The following GLCCI1 variants were observed in gnomAD, a reference collection of about 807,000 sequenced individuals.
The protein encoded by GLCCI1 is glucocorticoid-induced transcript 1 protein.
GLCCI1 carries 24 observed loss-of-function variants against 52.2 expected under a neutral mutation model. That is an observed-to-expected ratio of 0.46 (90% CI 0.33 to 0.65). The LOEUF (loss-of-function observed/expected upper bound fraction) is 0.65, where lower values mean the gene tolerates loss of function less well. Ranked by LOEUF, GLCCI1 falls within the 30% of genes least tolerant of loss-of-function variation. The pLI, the probability that GLCCI1 is intolerant of heterozygous loss-of-function variation, is 0.02. For synonymous variants in GLCCI1, 310 were observed against 276.5 expected (o/e 1.12, Z -1.20); for missense variants, 704 against 701.5 (o/e 1.00, Z -0.04).
At chr7:8,074,844 G>C (rs974505594) in intron 6 of GLCCI1, among the ~76,000 whole-genome samples, 1 of 152,062 alleles carries the variant, frequency 6.6e-6, no homozygotes, top group Non-Finnish European at 1.5e-5. Flanking sequence ...AAGTCAACTA[G>C]GATTGATTTG....
chr7:8,088,767 A>C lies in GLCCI1; in HGVS notation c.*2229A>C, dbSNP rs572545825. 8.2e-4 allele frequency: 125 copies of C among 152,548 alleles called. No homozygotes were observed. Among genetic ancestry groups the C allele is most frequent in the African/African-American group, 2.9e-3 (122 of 41,532 alleles). The allele number at this position is 152,548 out of a possible 1,614,324, so 9.4% of individuals were successfully genotyped here. On this transcript the variant is annotated 3_prime_UTR_variant, in exon 8 of 8. Coordinates refer to ENST00000223145, the MANE Select transcript of GLCCI1 (RefSeq NM_138426.4). ...ATTTTCTCATGAGATACTAAATATT[A>C]ATTGTGTTGTACATTTGTTCTTAGC... is the stretch of plus-strand genomic sequence containing the variant.
Position 7,969,467 on chromosome 7 carries a change from C to G in GLCCI1, c.117C>G (p.Ser39Arg). The change falls in exon 1 of 8, where the codon AGC (serine) becomes AGG (arginine). Residue 39 changes from serine to arginine, a missense_variant. Physicochemically the swap from Ser to Arg is moderately radical, Grantham distance 110 (BLOSUM62 -1). Transcript: ENST00000223145. This position sits in a 1 kb window ranked among gnomAD's most constrained non-coding sequence, Gnocchi z 4.9. ...CGCCCGCCGTCGCCGCCGCCGGGAG[C>G]GGGAACGGTGCGGGCGGCGGCGGCG... The part of the protein sequence containing the change: ...GSPPAVAAAG[S>R]GNGAGGGGGV... 2.7e-6 allele frequency: 3 copies of G among 1,113,222 alleles called. No individual in the cohort carries two copies. The highest frequency in any genetic ancestry group is 3.3e-6 in the Non-Finnish European group (3 of 913,832). 69.0% of individuals were successfully genotyped at this position (1,113,222 alleles called of 1,614,324 possible). A position where few individuals can be genotyped will look rare whatever the true frequency, so the allele number is the denominator to read the frequency against.
chr7:8,043,363 G>A (rs1446628130), intron 3 of GLCCI1, among the ~76,000 whole-genome samples: 1 of 150,342 alleles, frequency 6.7e-6, no homozygotes, highest in African/African-American at 2.4e-5. Context: ...AGGCAGTATA[G>A]AGTAGGTTTG....
intron 4 of GLCCI1, among the ~76,000 whole-genome samples, chr7:8,058,713 A>ATT (rs954634388): frequency 2.0e-5 from 3 of 152,196 alleles, no homozygotes; most frequent in African/African-American, 7.2e-5. Flanking sequence ...ATAAAAGTTG[A>ATT]TTACCTATTT....
chr7:7,969,360 GCCTCCT>G lies in GLCCI1; in HGVS notation c.25_30del (p.Ser12_Ser13del), dbSNP rs528042199. On this transcript the variant is annotated inframe_deletion, in exon 1 of 8. Coordinates refer to ENST00000223145, the MANE Select transcript of GLCCI1 (RefSeq NM_138426.4). The surrounding 1 kb of genome is among the most constrained non-coding windows in gnomAD (Gnocchi z 4.9). ...GGCCCGCAGAGCCACCATGTCCACT[GCCTCCT>G]CCTCCTCCTCCTCCAGTTCCTCTCA... 3.4e-5 allele frequency: 50 copies of G among 1,465,374 alleles called. No individual in the cohort carries two copies. Among genetic ancestry groups the G allele is most frequent in the Middle Eastern group, 2.1e-4 (1 of 4,772 alleles). 90.8% of individuals were successfully genotyped at this position (1,465,374 alleles called of 1,614,324 possible). A position where few individuals can be genotyped will look rare whatever the true frequency, so the allele number is the denominator to read the frequency against.
chr7:8,067,216 G>T (rs4725063), intron 5 of GLCCI1, among the ~76,000 whole-genome samples: 115,716 of 152,086 alleles, frequency 0.76, 44,611 homozygotes, highest in African/African-American at 0.89. Context: ...TTTTTTCAGT[G>T]TTCCATTTGG....
intron 2 of GLCCI1, among the ~76,000 whole-genome samples, chr7:8,009,554 G>C (rs1293850708): frequency 1.3e-5 from 2 of 152,150 alleles, no homozygotes; most frequent in Non-Finnish European, 2.9e-5. Flanking sequence ...GTTAAGTGTG[G>C]CCATGAGACT....
At chr7:8,050,917 A>G (rs747251808) in intron 3 of GLCCI1, among the ~76,000 whole-genome samples, 13 of 152,244 alleles carry the variant, frequency 8.5e-5, no homozygotes, top group Admixed American at 2.0e-4. Flanking sequence ...GTTGAAAAAT[A>G]AATGAGATAA....
chr7:8,017,959 A>G lies in GLCCI1; in HGVS notation c.610-4524A>G, dbSNP rs533045991. Among the ~76,000 whole-genome samples, 16 of 152,326 alleles carry G rather than the reference A, an allele frequency of 1.1e-4. No homozygotes were observed. In the South Asian group the frequency reaches 3.3e-3, roughly 32 times the overall value. On this transcript the variant is annotated intron_variant, in intron 2 of 7. Transcript: ENST00000223145. Reference sequence around the variant, plus strand: ...GAAGTTAAAAATTGTTTTATTAGTCAAAAACAAATTTTTGTAAACAAAAAC... The same window carrying G: ...GAAGTTAAAAATTGTTTTATTAGTCGAAAACAAATTTTTGTAAACAAAAAC...
intron 3 of GLCCI1, among the ~76,000 whole-genome samples, chr7:8,034,928 C>T (rs868315128): frequency 6.6e-6 from 1 of 152,146 alleles, no homozygotes; most frequent in African/African-American, 2.4e-5. Flanking sequence ...CACCAGACTA[C>T]CAGCTCATGC....
intron 1 of GLCCI1, among the ~76,000 whole-genome samples, chr7:7,993,037 G>A (rs1780872847): frequency 6.6e-6 from 1 of 151,976 alleles, no homozygotes; most frequent in Non-Finnish European, 1.5e-5. Context: ...TGAAATATTA[G>A]GTCACAGTTT....
intron 3 of GLCCI1, among the ~76,000 whole-genome samples, chr7:8,050,892 A>G (rs1782243990): frequency 6.6e-6 from 1 of 152,220 alleles, no homozygotes; most frequent in South Asian, 2.1e-4. Flanking sequence ...AATAGTACCT[A>G]TCTCATGTGC....
In GLCCI1 at chr7:7,984,278, T is replaced by G. The variant is rs117205139; in HGVS notation, c.457+14471T>G. 4.5e-3 allele frequency among the ~76,000 whole-genome samples: 686 copies of G among 152,266 alleles called. 14 individuals carry two copies. The highest frequency in any genetic ancestry group is 0.035 in the East Asian group (179 of 5,162). ...TCTCCCTATGTTACCCAGACTGGTC[T>G]TGAACTCCTGGGCTCAAGGAATCCT... On this transcript the variant is annotated intron_variant, in intron 1 of 7. Transcript: ENST00000223145.
chr7:8,080,841 GTTTT>G lies in GLCCI1; in HGVS notation c.1178-4043_1178-4040del, dbSNP rs199681673. On this transcript the variant is annotated intron_variant, in intron 6 of 7. Transcript: ENST00000223145. ...TTTTTGTTTGTTTTTTGGTTTTGGG[GTTTT>G]TTTTTTTTTTTTGTAGAGAGGGTTT... Among the ~76,000 whole-genome samples, 46 of 128,258 alleles carry G rather than the reference GTTTT, an allele frequency of 3.6e-4. 1 individual carries two copies. The highest frequency in any genetic ancestry group is 5.2e-5 in the Non-Finnish European group (3 of 57,546). The allele number at this position is 128,258 out of a possible 152,430, so 84.1% of individuals were successfully genotyped here.
chr7:8,018,520 A>G (rs930830699), intron 2 of GLCCI1, among the ~76,000 whole-genome samples: 5 of 152,182 alleles, frequency 3.3e-5, no homozygotes, highest in Non-Finnish European at 7.4e-5. Context: ...GTGCAGTGGG[A>G]TTATTCCCTT....
At chr7:8,046,869 G>A (rs1385799106) in intron 3 of GLCCI1, among the ~76,000 whole-genome samples, 2 of 152,130 alleles carry the variant, frequency 1.3e-5, no homozygotes. Flanking sequence ...AGAGATAACT[G>A]AGTTAGGAAC....
intron 5 of GLCCI1, among the ~76,000 whole-genome samples, chr7:8,067,119 C>G (rs534890227): frequency 6.6e-6 from 1 of 152,166 alleles, no homozygotes; most frequent in Non-Finnish European, 1.5e-5. Flanking sequence ...TGCATTGAAT[C>G]CTTTACCATT....
At chr7:7,993,032 T>C (rs911794242) in intron 1 of GLCCI1, among the ~76,000 whole-genome samples, 3 of 152,296 alleles carry the variant, frequency 2.0e-5, no homozygotes, top group South Asian at 4.1e-4. Flanking sequence ...TACTTTGAAA[T>C]ATTAGGTCAC....
At chr7:7,999,182 T>G (rs556624535) in intron 1 of GLCCI1, among the ~76,000 whole-genome samples, 1 of 152,016 alleles carries the variant, frequency 6.6e-6, no homozygotes, top group South Asian at 2.1e-4. Context: ...AGATAAAGAT[T>G]CAATGATTAA....
Sources: allele counts gnomAD v4.1 joint callset (sites outside exome capture counted in the v4.1 genomes callset), GRCh38; gene constraint gnomAD v4.1.1; non-coding constraint Gnocchi (gnomAD v3.1); transcripts MANE v1.5; gene names NCBI Gene and HGNC (gene_info 2026-07-23, HGNC 2026-07-21).